The following RBPMS variants were observed in gnomAD, a reference collection of about 807,000 sequenced individuals.
RBPMS encodes RNA binding protein, mRNA processing factor.
RBPMS carries 7 observed loss-of-function variants against 26.8 expected under a neutral mutation model. The observed-to-expected ratio is 0.26, with a 90% confidence interval of 0.15 to 0.49. RBPMS has a LOEUF of 0.49. Among genes scored for constraint, RBPMS ranks in the 20% least tolerant of loss-of-function variants. RBPMS has a pLI of 0.98. For missense variants in RBPMS, 186 were observed against 250.0 expected, an observed-to-expected ratio of 0.74 and a Z score of 1.73; for synonymous variants, 96 against 93.3, an observed-to-expected ratio of 1.03 and a Z score of -0.17.
chr8:30,415,427 C>T (rs1761951601), intron 1 of RBPMS, among the ~76,000 whole-genome samples: 3 of 152,170 alleles, frequency 2.0e-5, no homozygotes, highest in Non-Finnish European at 2.9e-5. Flanking sequence ...TATACTCTGC[C>T]ACTCTGCTTA....
At chr8:30,436,315 T>C (rs1812442528) in intron 1 of RBPMS, among the ~76,000 whole-genome samples, 2 of 152,210 alleles carry the variant, frequency 1.3e-5, no homozygotes, top group African/African-American at 4.8e-5. Flanking sequence ...TCCTGGGACA[T>C]TCCTGTGACT....
intron 5 of RBPMS, among the ~76,000 whole-genome samples, chr8:30,511,483 AAAAATATATATATATATATATAT>A (rs1185751762): frequency 0.066 from 304 of 4,604 alleles, 12 homozygotes; most frequent in East Asian, 0.35. Flanking sequence ...AAAAAAAAAA[AAAAATATATATATATATATATAT>A]ATATATATAT....
intron 1 of RBPMS, 105 bp from the exon 2 acceptor site, chr8:30,474,674 A>G: frequency 1.5e-6 from 1 of 685,428 alleles, no homozygotes. Flanking sequence ...TGAATTTAGT[A>G]TGAGTTGTGG....
intron 1 of RBPMS, among the ~76,000 whole-genome samples, chr8:30,390,770 T>C (rs1663048482): frequency 6.6e-6 from 1 of 152,172 alleles, no homozygotes; most frequent in African/African-American, 2.4e-5. Context: ...TTTGTATGGG[T>C]CTATGCCATT....
chr8:30,559,299 C>T (rs781578843), intron 7 of RBPMS, among the ~76,000 whole-genome samples: 95 of 152,334 alleles, frequency 6.2e-4, no homozygotes, highest in Non-Finnish European at 1.0e-3. Context: ...AAATCAAAAC[C>T]TTAAGTTGCA....
chr8:30,566,296 G>A lies in RBPMS; in HGVS notation c.*47G>A. On this transcript the variant is annotated 3_prime_UTR_variant, in exon 8 of 9. Transcript: ENST00000397323. The stretch of plus-strand genomic sequence containing the variant: ...ATGGCGGCTGCAATCTGTCTTGTGG[G>A]TATTAATGCAATCTTCAGTGGTGGC... The A allele has an allele frequency of 2.0e-6, 2 of 985,944 alleles. No individual in the cohort carries two copies. The highest frequency in any genetic ancestry group is 2.4e-6 in the Non-Finnish European group (2 of 830,008). 61.1% of individuals were successfully genotyped at this position (985,944 alleles called of 1,614,324 possible). A position where few individuals can be genotyped will look rare whatever the true frequency, so the allele number is the denominator to read the frequency against.
intron 1 of RBPMS, among the ~76,000 whole-genome samples, chr8:30,444,039 G>A (rs779372211): frequency 6.6e-6 from 1 of 152,104 alleles, no homozygotes; most frequent in Non-Finnish European, 1.5e-5. Flanking sequence ...TGGGACTACA[G>A]GGGGGCACCA....
At chr8:30,534,347 G>A (rs879804320) in intron 5 of RBPMS, among the ~76,000 whole-genome samples, 1 of 152,142 alleles carries the variant, frequency 6.6e-6, no homozygotes, top group Non-Finnish European at 1.5e-5. Flanking sequence ...CTAGCTCAAA[G>A]GACTAAGGGG....
chr8:30,570,538 C>T (rs1244962508), intron 8 of RBPMS, 99 bp from the exon 9 acceptor site: 1 of 152,700 alleles, frequency 6.5e-6, no homozygotes. Flanking sequence ...TGTCATCTAA[C>T]CCATCCGTTC....
intron 1 of RBPMS, among the ~76,000 whole-genome samples, chr8:30,468,029 A>G (rs1816696222): frequency 6.6e-6 from 1 of 152,082 alleles, no homozygotes; most frequent in Admixed American, 6.6e-5. Flanking sequence ...AAAAACCCTA[A>G]GAGAATTAAA....
intron 1 of RBPMS, among the ~76,000 whole-genome samples, chr8:30,459,284 G>GT (rs894203674): frequency 8.3e-4 from 125 of 150,068 alleles, no homozygotes; most frequent in Middle Eastern, 3.5e-3. Context: ...TTTGTTTGTG[G>GT]TTTTTTTTTG....
chr8:30,507,798 A>T (rs1821219690), intron 5 of RBPMS, among the ~76,000 whole-genome samples: 1 of 152,162 alleles, frequency 6.6e-6, no homozygotes, highest in Non-Finnish European at 1.5e-5. Context: ...AGTCACTGTT[A>T]CTGATTTTTA....
intron 1 of RBPMS, among the ~76,000 whole-genome samples, chr8:30,440,892 C>T (rs1342199746): frequency 6.6e-6 from 1 of 151,668 alleles, no homozygotes; most frequent in African/African-American, 2.4e-5. Flanking sequence ...CTCTTGGGCT[C>T]AAGGGATCCT....
intron 1 of RBPMS, among the ~76,000 whole-genome samples, chr8:30,463,973 A>C (rs528597132): frequency 3.2e-4 from 48 of 152,058 alleles, no homozygotes; most frequent in Non-Finnish European, 6.5e-4. Context: ...ACATAGGGAG[A>C]CCTCATTTCT....
chr8:30,473,461 C>T (rs78234414), intron 1 of RBPMS, among the ~76,000 whole-genome samples: 1,701 of 152,204 alleles, frequency 0.011, 33 homozygotes, highest in African/African-American at 0.038. Context: ...TTAGTGGCAC[C>T]GTAGCCAGGT....
chr8:30,525,336 A>C (rs1331122021), intron 5 of RBPMS, among the ~76,000 whole-genome samples: 3 of 152,208 alleles, frequency 2.0e-5, no homozygotes, highest in Non-Finnish European at 1.5e-5. Flanking sequence ...TAAATCATAT[A>C]ATCATTTTTC....
chr8:30,498,572 AC>A (rs1357753921), intron 4 of RBPMS, among the ~76,000 whole-genome samples: 1 of 152,250 alleles, frequency 6.6e-6, no homozygotes, highest in African/African-American at 2.4e-5. Context: ...GAATGGGGAA[AC>A]TAACCCACAA....
At chr8:30,519,312 C>T (rs922090343) in intron 5 of RBPMS, among the ~76,000 whole-genome samples, 2 of 152,110 alleles carry the variant, frequency 1.3e-5, no homozygotes, top group African/African-American at 4.8e-5. Context: ...AAGATTTAGC[C>T]ACAACTTTTT....
chr8:30,390,817 C>T (rs1485317251), intron 1 of RBPMS, among the ~76,000 whole-genome samples: 4 of 152,152 alleles, frequency 2.6e-5, no homozygotes, highest in Non-Finnish European at 5.9e-5. Context: ...TACCCCAGCA[C>T]CAGGTAAATC....
Sources: allele counts gnomAD v4.1 joint callset (sites outside exome capture counted in the v4.1 genomes callset), GRCh38; gene constraint gnomAD v4.1.1; transcripts MANE v1.5; gene names NCBI Gene and HGNC (gene_info 2026-07-23, HGNC 2026-07-21).